Variants in AFAP1 observed in about 807,000 individuals in gnomAD.
AFAP1 encodes the protein actin filament-associated protein 1.
AFAP1 carries 75 observed loss-of-function variants against 93.9 expected under a neutral mutation model. That is an observed-to-expected ratio of 0.80 (90% CI 0.66 to 0.97). The LOEUF (loss-of-function observed/expected upper bound fraction) is 0.97. Ranked by LOEUF, AFAP1 falls within the 50% of genes least tolerant of loss-of-function variation. AFAP1 has a pLI of 0.00. For synonymous variants in AFAP1, 517 were observed against 430.7 expected, an observed-to-expected ratio of 1.20 and a Z score of -2.48; for missense variants, 1,201 against 1,050.8, an observed-to-expected ratio of 1.14 and a Z score of -1.98.
intron 1 of AFAP1, among the ~76,000 whole-genome samples, chr4:7,938,780 G>C (rs978768877): frequency 2.0e-5 from 3 of 152,004 alleles, no homozygotes; most frequent in African/African-American, 7.2e-5. Context: ...AAGAAGCTCC[G>C]GGCAGTAGGG....
intron 6 of AFAP1, among the ~76,000 whole-genome samples, chr4:7,822,977 G>A (rs1179334822): frequency 1.3e-5 from 2 of 151,976 alleles, no homozygotes; most frequent in Non-Finnish European, 1.5e-5. Flanking sequence ...GTAGGGTGGA[G>A]GGGCTGGCTG....
At chr4:7,904,051 C>G (rs890248097) in intron 1 of AFAP1, among the ~76,000 whole-genome samples, 1 of 151,554 alleles carries the variant, frequency 6.6e-6, no homozygotes, top group Admixed American at 6.6e-5. Context: ...ACAGATTTTT[C>G]CATGTTTTGC....
chr4:7,899,260 C>T (rs868545342), intron 1 of AFAP1, among the ~76,000 whole-genome samples: 1 of 152,054 alleles, frequency 6.6e-6, no homozygotes, highest in African/African-American at 2.4e-5. Context: ...CAAACTTTTA[C>T]AGTTATACGC....
chr4:7,763,170 A>T lies in AFAP1; in HGVS notation c.*595T>A, dbSNP rs943050351. On this transcript the variant is annotated 3_prime_UTR_variant, in exon 18 of 18. Transcript: ENST00000420658. ...GCATCTGTCCAAAAAATAATAATAAAAGGTAAAAAACGTTTCACAGCGCGA... is the reference window on the plus strand; with the variant it reads ...GCATCTGTCCAAAAAATAATAATAATAGGTAAAAAACGTTTCACAGCGCGA... 1.3e-5 allele frequency: 2 copies of T among 152,696 alleles called. No homozygotes were observed. Among genetic ancestry groups the T allele is most frequent in the African/African-American group, 4.8e-5 (2 of 41,468 alleles). The allele number at this position is 152,696 out of a possible 1,614,324, so 9.5% of individuals were successfully genotyped here.
At chr4:7,772,685 C>T (rs1239059015) in intron 16 of AFAP1, 135 bp downstream of exon 16, 4 of 758,216 alleles carry the variant, frequency 5.3e-6, no homozygotes, top group Non-Finnish European at 8.3e-6. Flanking sequence ...AACACATGAA[C>T]TGTCTTCTGC....
intron 1 of AFAP1, among the ~76,000 whole-genome samples, chr4:7,892,767 G>A (rs896609575): frequency 6.6e-6 from 1 of 151,974 alleles, no homozygotes; most frequent in African/African-American, 2.4e-5. Context: ...ATTCCATGAC[G>A]CATTTGAGAC....
intron 1 of AFAP1, among the ~76,000 whole-genome samples, chr4:7,921,181 CTTTTTTT>C (rs34764139): frequency 1.1e-5 from 1 of 95,110 alleles, no homozygotes; most frequent in Non-Finnish European, 1.9e-5. Flanking sequence ...GAGAGCAAAA[CTTTTTTT>C]TTTTTTTTTT....
intron 3 of AFAP1, among the ~76,000 whole-genome samples, chr4:7,858,720 T>A (rs983777140): frequency 6.6e-6 from 1 of 152,124 alleles, no homozygotes; most frequent in African/African-American, 2.4e-5. Flanking sequence ...GGCTGGCTTG[T>A]TCCTGCACCT....
chr4:7,885,136 C>T (rs916982483), intron 1 of AFAP1, among the ~76,000 whole-genome samples: 4 of 152,228 alleles, frequency 2.6e-5, no homozygotes, highest in African/African-American at 9.6e-5. Context: ...AGAAAAATCA[C>T]CCTGGTTTGC....
At chr4:7,845,089 G>T (rs1413790275) in intron 4 of AFAP1, among the ~76,000 whole-genome samples, 2 of 152,192 alleles carry the variant, frequency 1.3e-5, no homozygotes, top group East Asian at 3.8e-4. Context: ...GGGAGGAACA[G>T]AAAGATTTAG....
rs575144901 is a variant in AFAP1, at chr4:7,832,812, T to C, written c.726+5712A>G. Among the ~76,000 whole-genome samples, 6 of 152,212 alleles carry C rather than the reference T, an allele frequency of 3.9e-5. No individual in the cohort carries two copies. In the East Asian group the frequency reaches 5.8e-4, roughly 15 times the overall value. ...AAACAGCATGGTACTGGTATAAAAA[T>C]AGGCAAATAGGCCTAGGGAACAGAA... is the stretch of plus-strand genomic sequence containing the variant. On this transcript the variant is annotated intron_variant, in intron 6 of 17. Coordinates refer to ENST00000420658, the MANE Select transcript of AFAP1 (RefSeq NM_001134647.2).
At chr4:7,934,024 T>C (rs909621764) in intron 1 of AFAP1, among the ~76,000 whole-genome samples, 3 of 152,220 alleles carry the variant, frequency 2.0e-5, no homozygotes, top group Non-Finnish European at 4.4e-5. Flanking sequence ...GGTGTTGACA[T>C]CTGACAAGCG....
At chr4:7,842,488 T>C (rs1713154413) in intron 5 of AFAP1, among the ~76,000 whole-genome samples, 1 of 151,036 alleles carries the variant, frequency 6.6e-6, no homozygotes, top group Admixed American at 6.6e-5. Flanking sequence ...TAACCAACCA[T>C]GGTTTCTAAA....
At chr4:7,858,867 A>G (rs1441483524) in intron 3 of AFAP1, among the ~76,000 whole-genome samples, 1 of 152,204 alleles carries the variant, frequency 6.6e-6, no homozygotes. Flanking sequence ...TCCACAGACA[A>G]CAAAGCCAAC....
At position 7,827,720 on chromosome 4, in the gene AFAP1, G is replaced by T. The variant is rs12511825; in HGVS notation, c.727-8549C>A. 2.6e-5 allele frequency among the ~76,000 whole-genome samples: 4 copies of T among 151,668 alleles called. No individual in the cohort carries two copies. In the South Asian group the frequency reaches 8.4e-4, roughly 32 times the overall value. On this transcript the variant is annotated intron_variant, in intron 6 of 17. Transcript: ENST00000420658. Reference sequence around the variant, plus strand: ...GAGAAAGAGAAAAACCCACACCACCGCACTGAGACACATCGCAGTCAGCTG... The same window carrying T: ...GAGAAAGAGAAAAACCCACACCACCTCACTGAGACACATCGCAGTCAGCTG...
intron 5 of AFAP1, among the ~76,000 whole-genome samples, chr4:7,841,390 C>T (rs1052051389): frequency 1.3e-5 from 2 of 152,256 alleles, no homozygotes; most frequent in African/African-American, 4.8e-5. Context: ...CCGAGGTGGG[C>T]TCACCAGCCC....
chr4:7,912,314 G>C (rs1329944867), intron 1 of AFAP1, among the ~76,000 whole-genome samples: 5 of 152,170 alleles, frequency 3.3e-5, no homozygotes, highest in Non-Finnish European at 7.3e-5. Flanking sequence ...TGGGATAACT[G>C]CCCATGAATG....
At chr4:7,890,977 T>A (rs1281786461) in intron 1 of AFAP1, among the ~76,000 whole-genome samples, 1 of 151,822 alleles carries the variant, frequency 6.6e-6, no homozygotes, top group African/African-American at 2.4e-5. Context: ...GCTTTCTTCA[T>A]AACAGCCCAA....
At chr4:7,893,032 T>C (rs1462265839) in intron 1 of AFAP1, among the ~76,000 whole-genome samples, 5 of 152,088 alleles carry the variant, frequency 3.3e-5, no homozygotes, top group Non-Finnish European at 7.3e-5. Flanking sequence ...ATAACATATA[T>C]GAGAAAATGA....
Sources: gnomAD v4.1 joint callset for allele counts (sites outside exome capture counted in the v4.1 genomes callset) on GRCh38, gnomAD v4.1.1 for gene constraint, MANE v1.5 for transcripts, NCBI Gene and HGNC (gene_info 2026-07-23, HGNC 2026-07-21) for gene names.